PRKCB: variants seen among roughly 807,000 people sequenced by gnomAD.
The protein encoded by PRKCB is protein kinase C beta type.
PRKCB carries 13 observed loss-of-function variants against 81.5 expected under a neutral mutation model. That is an observed-to-expected ratio of 0.16 (90% CI 0.10 to 0.25). The LOEUF is 0.25. Ranked by LOEUF, PRKCB falls within the 10% of genes least tolerant of loss-of-function variation. The probability of loss-of-function intolerance (pLI) is 1.00; values close to 1 mark genes in which losing one functional copy is unlikely to be tolerated. For synonymous variants in PRKCB, 335 were observed against 321.4 expected (o/e 1.04, Z -0.45); for missense variants, 509 against 875.7 (o/e 0.58, Z 5.29).
intron 2 of PRKCB, among the ~76,000 whole-genome samples, chr16:23,902,630 C>T (rs938302134): frequency 6.6e-6 from 1 of 152,098 alleles, no homozygotes; most frequent in African/African-American, 2.4e-5. Flanking sequence ...AGTCTCTCAC[C>T]CCTCACCATT....
chr16:23,949,495 A>G (rs1019125543), intron 2 of PRKCB, among the ~76,000 whole-genome samples: 3 of 152,104 alleles, frequency 2.0e-5, no homozygotes, highest in African/African-American at 7.2e-5. Context: ...TGGGGGTCCA[A>G]CTTCCTCCGT....
At chr16:23,973,910 A>G (rs1184083031) in intron 2 of PRKCB, among the ~76,000 whole-genome samples, 1 of 152,040 alleles carries the variant, frequency 6.6e-6, no homozygotes, top group Non-Finnish European at 1.5e-5. Context: ...GGCTCAAGCA[A>G]TTCACCTTTC....
chr16:24,132,020 C>T (rs982887152), intron 9 of PRKCB, among the ~76,000 whole-genome samples: 15 of 152,170 alleles, frequency 9.9e-5, no homozygotes, highest in Non-Finnish European at 2.2e-4. Context: ...GCAACACTGC[C>T]TGTATCCTTA....
At chr16:24,103,877 C>T (rs547377849) in intron 7 of PRKCB, among the ~76,000 whole-genome samples, 2 of 152,316 alleles carry the variant, frequency 1.3e-5, no homozygotes, top group Non-Finnish European at 1.5e-5. Context: ...GCGATCTTGG[C>T]TCACCATAGC....
chr16:24,057,265 T>C (rs1965914961), intron 5 of PRKCB, among the ~76,000 whole-genome samples: 1 of 152,182 alleles, frequency 6.6e-6, no homozygotes, highest in South Asian at 2.1e-4. Flanking sequence ...GAAATAATAC[T>C]ATCCCATACT....
At chr16:24,039,418 C>T (rs559973793) in intron 5 of PRKCB, among the ~76,000 whole-genome samples, 11 of 152,056 alleles carry the variant, frequency 7.2e-5, no homozygotes, top group East Asian at 5.8e-4. Flanking sequence ...TTAGTAGAGA[C>T]GGAGTTTCAC....
intron 2 of PRKCB, among the ~76,000 whole-genome samples, chr16:23,965,116 C>T (rs1390394064): frequency 6.6e-6 from 1 of 152,192 alleles, no homozygotes; most frequent in East Asian, 1.9e-4. Flanking sequence ...AGGTAGTGAG[C>T]ATAGTACCTG....
chr16:23,859,719 G>T (rs1323020079), intron 2 of PRKCB, among the ~76,000 whole-genome samples: 1 of 152,126 alleles, frequency 6.6e-6, no homozygotes, highest in Non-Finnish European at 1.5e-5. Context: ...GGAAGAAGTA[G>T]TTGAAGTACC....
rs1194531123 is a variant in PRKCB at position 23,924,381 on chromosome 16, A to C, written c.206-64127A>C. Among the ~76,000 whole-genome samples the C allele has an allele frequency of 2.6e-5, 4 of 152,006 alleles. 1 individual carries two copies. Among genetic ancestry groups the C allele is most frequent in the Non-Finnish European group, 5.9e-5 (4 of 67,946 alleles). On this transcript the variant is annotated intron_variant, in intron 2 of 16. Coordinates refer to ENST00000643927, the MANE Select transcript of PRKCB (RefSeq NM_002738.7). The stretch of plus-strand genomic sequence containing the variant: ...GTAGTATCAAGATAGCAGTGTGAGA[A>C]CCGACTAATACGCATGGCCATGCCT...
Position 24,217,782 on chromosome 16 carries a change from C to T in PRKCB, c.*2966C>T, listed in dbSNP as rs138047682. 7.1e-6 allele frequency: 7 copies of T among 985,416 alleles called. No homozygotes were observed. In the African/African-American group the frequency reaches 8.7e-5, roughly 12 times the overall value. The allele number at this position is 985,416 out of a possible 1,614,324, so 61.0% of individuals were successfully genotyped here. A position where few individuals can be genotyped will look rare whatever the true frequency, so the allele number is the denominator to read the frequency against. ...CAGGGGAGACCTAAAAAAAAGGCAG[C>T]TTTGTGTCTTCTAGCTCCAAATATA... On this transcript the variant is annotated 3_prime_UTR_variant, in exon 17 of 17. Transcript: ENST00000643927.
chr16:24,159,519 C>G (rs1390114308), intron 10 of PRKCB, among the ~76,000 whole-genome samples: 1 of 143,452 alleles, frequency 7.0e-6, no homozygotes, highest in East Asian at 1.9e-4. Flanking sequence ...CTATTACTAA[C>G]TTTAATTTAC....
At chr16:24,151,329 T>A (rs1411368457) in intron 9 of PRKCB, among the ~76,000 whole-genome samples, 1 of 152,262 alleles carries the variant, frequency 6.6e-6, no homozygotes, top group Non-Finnish European at 1.5e-5. Flanking sequence ...TTTATGCTTA[T>A]CTTCCATTTA....
intron 16 of PRKCB, among the ~76,000 whole-genome samples, chr16:24,210,993 A>G (rs1171345094): frequency 6.6e-6 from 1 of 152,204 alleles, no homozygotes; most frequent in Non-Finnish European, 1.5e-5. Flanking sequence ...GTCTTGAATG[A>G]GAAAATGAAT....
At chr16:23,884,704 T>C (rs1963172024) in intron 2 of PRKCB, among the ~76,000 whole-genome samples, 1 of 152,026 alleles carries the variant, frequency 6.6e-6, no homozygotes, top group Non-Finnish European at 1.5e-5. Flanking sequence ...CTGGCTAATT[T>C]TTTTATTTTT....
At chr16:24,121,904 C>T (rs1285540247) in intron 8 of PRKCB, among the ~76,000 whole-genome samples, 1 of 152,204 alleles carries the variant, frequency 6.6e-6, no homozygotes, top group Admixed American at 6.5e-5. Flanking sequence ...TAGGAAGCTT[C>T]AATCACCAAA....
At chr16:24,208,587 C>G (rs2141991727) in intron 16 of PRKCB, 1 of 152,298 alleles carries the variant, frequency 6.6e-6, no homozygotes, top group East Asian at 1.9e-4. Flanking sequence ...ATTGATGTAC[C>G]CTGATGACAA....
chr16:24,147,568 C>T (rs1967014330), intron 9 of PRKCB, among the ~76,000 whole-genome samples: 1 of 152,166 alleles, frequency 6.6e-6, no homozygotes, highest in African/African-American at 2.4e-5. Flanking sequence ...AATGACTGTT[C>T]TCTCTGTGGC....
chr16:24,057,533 A>G (rs1965919489), intron 5 of PRKCB, among the ~76,000 whole-genome samples: 1 of 152,212 alleles, frequency 6.6e-6, no homozygotes, highest in African/African-American at 2.4e-5. Context: ...GGATGGCTGT[A>G]GGAATGAATA....
intron 5 of PRKCB, among the ~76,000 whole-genome samples, chr16:24,054,729 G>T (rs1342645937): frequency 1.3e-5 from 2 of 152,228 alleles, no homozygotes; most frequent in African/African-American, 4.8e-5. Flanking sequence ...TTTATGTGAT[G>T]CTGGTGCAGT....
Sources: allele counts gnomAD v4.1 joint callset (sites outside exome capture counted in the v4.1 genomes callset), GRCh38; gene constraint gnomAD v4.1.1; transcripts MANE v1.5; gene names NCBI Gene and HGNC (gene_info 2026-07-23, HGNC 2026-07-21).